Variants in STK32B observed in about 807,000 individuals in gnomAD.
STK32B encodes serine/threonine-protein kinase 32B.
STK32B carries 43 observed loss-of-function variants against 52.6 expected under a neutral mutation model. That is an observed-to-expected ratio of 0.82 (90% CI 0.64 to 1.05). The LOEUF is 1.05. Among genes scored for constraint, STK32B ranks in the 50% least tolerant of loss-of-function variants. The pLI is 0.00. For missense variants in STK32B, 621 were observed against 534.6 expected, an observed-to-expected ratio of 1.16 and a Z score of -1.59; for synonymous variants, 238 against 204.3, an observed-to-expected ratio of 1.17 and a Z score of -1.41.
intron 3 of STK32B, among the ~76,000 whole-genome samples, chr4:5,185,518 T>G (rs556510347): frequency 6.6e-6 from 1 of 152,328 alleles, no homozygotes; most frequent in South Asian, 2.1e-4. Context: ...CCGATCTGGC[T>G]GAAGTAGTGG....
At chr4:5,168,473 C>T (rs1229245070) in intron 3 of STK32B, 23 bp downstream of exon 3, 1 of 1,601,466 alleles carries the variant, frequency 6.2e-7, no homozygotes, top group South Asian at 1.1e-5. Flanking sequence ...CCATCCAGGG[C>T]TCCTGTGGGT....
At chr4:5,313,783 T>C (rs1167734484) in intron 3 of STK32B, among the ~76,000 whole-genome samples, 1 of 152,178 alleles carries the variant, frequency 6.6e-6, no homozygotes, top group Non-Finnish European at 1.5e-5. Flanking sequence ...TAATCACATT[T>C]CTGTATACTG....
intron 4 of STK32B, among the ~76,000 whole-genome samples, chr4:5,379,096 C>G (rs1339427018): frequency 6.6e-6 from 1 of 152,136 alleles, no homozygotes; most frequent in Non-Finnish European, 1.5e-5. Context: ...GAGGCTGCCC[C>G]CTCCCTACCT....
intron 4 of STK32B, among the ~76,000 whole-genome samples, chr4:5,389,627 A>G (rs140589124): frequency 5.6e-4 from 86 of 152,282 alleles, no homozygotes; most frequent in African/African-American, 1.9e-3. Context: ...CTATGGTTGC[A>G]TTCAGAGACA....
intron 3 of STK32B, among the ~76,000 whole-genome samples, chr4:5,187,650 A>G (rs1174525156): frequency 6.6e-6 from 1 of 152,168 alleles, no homozygotes; most frequent in Non-Finnish European, 1.5e-5. Flanking sequence ...CTGTTTGCCA[A>G]TTTCCATGGT....
At chr4:5,481,826 A>G (rs1049338922) in intron 11 of STK32B, among the ~76,000 whole-genome samples, 4 of 152,164 alleles carry the variant, frequency 2.6e-5, no homozygotes, top group Non-Finnish European at 4.4e-5. Context: ...TCCCAGCACC[A>G]TTTATTAAAT....
upstream of STK32B, among the ~76,000 whole-genome samples, chr4:5,048,586 C>G (rs141934855): frequency 2.0e-5 from 3 of 152,184 alleles, no homozygotes; most frequent in African/African-American, 7.2e-5. Context: ...TGTGAGCCAC[C>G]GTGCCTGGCC....
the STK32B span, among the ~76,000 whole-genome samples, chr4:5,040,560 A>G: frequency 6.6e-6 from 1 of 151,904 alleles, no homozygotes; most frequent in African/African-American, 2.4e-5. Flanking sequence ...TGCCCAGCTA[A>G]TTTTTGTATT....
intron 1 of STK32B, among the ~76,000 whole-genome samples, chr4:5,105,889 A>G (rs2108798467): frequency 6.6e-6 from 1 of 152,230 alleles, no homozygotes; most frequent in East Asian, 1.9e-4. Flanking sequence ...AGTCAATCTA[A>G]TGAATTAATT....
At chr4:5,245,671 T>G (rs1725392626) in intron 3 of STK32B, among the ~76,000 whole-genome samples, 1 of 152,196 alleles carries the variant, frequency 6.6e-6, no homozygotes, top group Non-Finnish European at 1.5e-5. Context: ...CTAGCCTCGA[T>G]GGTCTTTACA....
At chr4:5,116,913 T>C (rs994025241) in intron 1 of STK32B, among the ~76,000 whole-genome samples, 27 of 152,214 alleles carry the variant, frequency 1.8e-4, no homozygotes, top group African/African-American at 6.5e-4. Context: ...CTATTGTAAA[T>C]AGTATGGTTT....
intron 1 of STK32B, among the ~76,000 whole-genome samples, chr4:5,111,951 C>G (rs1294591161): frequency 1.3e-5 from 2 of 152,080 alleles, no homozygotes; most frequent in Non-Finnish European, 2.9e-5. Flanking sequence ...CATGCAGGTA[C>G]CACTGTGGGC....
intron 3 of STK32B, among the ~76,000 whole-genome samples, chr4:5,230,974 G>A (rs1724222079): frequency 6.6e-6 from 1 of 152,182 alleles, no homozygotes; most frequent in African/African-American, 2.4e-5. Context: ...AAAGGATACG[G>A]ACACTTCTGC....
At chr4:5,190,645 C>G (rs1198508051) in intron 3 of STK32B, among the ~76,000 whole-genome samples, 2 of 152,158 alleles carry the variant, frequency 1.3e-5, no homozygotes, top group South Asian at 4.1e-4. Flanking sequence ...ATCGGCAAAA[C>G]TCAAATCATT....
In STK32B at chr4:5,499,001, G is replaced by A. The variant is rs1720520489; in HGVS notation, c.1163G>A (p.Gly388Glu). The part of the protein sequence containing the change: ...SQLLDTDSRG[G>E]GQAQSKLQDG... The stretch of plus-strand genomic sequence containing the variant: ...CTCTTGGACACCGACAGCCGAGGGG[G>A]AGGCCAGGCCCAAAGCAAGCTCCAG... The change falls in exon 12 of 12, where the codon GGA becomes GAA. Residue 388 changes from glycine (G) to glutamate (E), a missense_variant. Transcript: ENST00000282908. 2 of 1,613,752 alleles carry A rather than the reference G, an allele frequency of 1.2e-6. No individual in the cohort carries two copies. Among genetic ancestry groups the A allele is most frequent in the Middle Eastern group, 1.6e-4 (1 of 6,082 alleles).
At chr4:5,287,880 C>T (rs147376016) in intron 3 of STK32B, among the ~76,000 whole-genome samples, 136 of 152,166 alleles carry the variant, frequency 8.9e-4, no homozygotes, top group African/African-American at 2.7e-3. Context: ...TTTTTATCTG[C>T]CCTAAAAGAA....
chr4:5,322,719 CACAAGG>C (rs774311167), intron 3 of STK32B, among the ~76,000 whole-genome samples: 84 of 152,268 alleles, frequency 5.5e-4, no homozygotes, highest in Admixed American at 2.0e-3. Flanking sequence ...TTAACAACTG[CACAAGG>C]TTTGTGGATG....
At chr4:5,429,541 C>A (rs1713386044) in intron 6 of STK32B, among the ~76,000 whole-genome samples, 1 of 109,832 alleles carries the variant, frequency 9.1e-6, no homozygotes, top group Admixed American at 1.1e-4. Context: ...TCATTCTATT[C>A]ATCTCTTTTT....
At chr4:5,436,527 A>T in intron 6 of STK32B, 1 of 916,606 alleles carries the variant, frequency 1.1e-6, no homozygotes, top group Non-Finnish European at 1.3e-6. Flanking sequence ...TCTGGTCAGC[A>T]GTGAGAAGGA....
Sources: allele counts gnomAD v4.1 joint callset (sites outside exome capture counted in the v4.1 genomes callset), GRCh38; gene constraint gnomAD v4.1.1; transcripts MANE v1.5; gene names NCBI Gene and HGNC (gene_info 2026-07-23, HGNC 2026-07-21).